Variants in PRKCE observed in about 807,000 individuals in gnomAD.
PRKCE encodes the protein protein kinase C epsilon, also known as protein kinase C epsilon type.
Under a neutral mutation model 85.4 loss-of-function variants are expected in PRKCE, and 16 were observed. That is an observed-to-expected ratio of 0.19 (90% confidence interval 0.13 to 0.28). PRKCE has a LOEUF of 0.28. Ranked by LOEUF, PRKCE falls within the 10% of genes least tolerant of loss-of-function variation. The pLI is 1.00. For missense variants in PRKCE, 573 were observed against 975.2 expected, an observed-to-expected ratio of 0.59 and a Z score of 5.49; for synonymous variants, 388 against 371.5, an observed-to-expected ratio of 1.04 and a Z score of -0.51.
In PRKCE at chr2:46,076,985, G is replaced by GAATAGGTT. The variant is rs1446824222; in HGVS notation, c.1438-9223_1438-9222insAATAGGTT. ...GTAGAATAGGTTGGTGGTTTCCAGA[G>GAATAGGTT]GCTGGTGGAGGGGGAATCGGGGAGG... On this transcript the variant is annotated intron_variant, in intron 10 of 14. Coordinates refer to ENST00000306156, the MANE Select transcript of PRKCE (RefSeq NM_005400.3). 3.3e-5 allele frequency among the ~76,000 whole-genome samples: 5 copies of GAATAGGTT among 152,318 alleles called. No homozygotes were observed. In the East Asian group the frequency reaches 9.6e-4, roughly 29 times the overall value.
At chr2:45,790,910 A>C (rs115654908) in intron 1 of PRKCE, among the ~76,000 whole-genome samples, 5 of 152,174 alleles carry the variant, frequency 3.3e-5, no homozygotes, top group African/African-American at 9.7e-5. Context: ...TGGCACAACT[A>C]TCAGACACCT....
At chr2:45,816,221 G>T (rs1301253114) in intron 1 of PRKCE, among the ~76,000 whole-genome samples, 2 of 152,100 alleles carry the variant, frequency 1.3e-5, no homozygotes, top group East Asian at 3.8e-4. Context: ...GTGATTTCAG[G>T]ATCTGCTTGA....
At chr2:45,752,674 A>G (rs1304140663) in intron 1 of PRKCE, among the ~76,000 whole-genome samples, 1 of 152,032 alleles carries the variant, frequency 6.6e-6, no homozygotes, top group Non-Finnish European at 1.5e-5. Context: ...TTTCCAGCAT[A>G]TGCTGCCCTC....
At chr2:45,843,141 G>C in intron 2 of PRKCE, 78 bp downstream of exon 2, 1 of 1,264,496 alleles carries the variant, frequency 7.9e-7, no homozygotes, top group Non-Finnish European at 1.2e-6. Context: ...CCCCCCCTTG[G>C]CCGGAACACA....
intron 1 of PRKCE, among the ~76,000 whole-genome samples, chr2:45,841,099 G>T (rs1224845985): frequency 6.6e-5 from 10 of 152,176 alleles, no homozygotes; most frequent in Non-Finnish European, 1.5e-4. Context: ...CATACTTTCT[G>T]TCTATCAGGA....
intron 10 of PRKCE, among the ~76,000 whole-genome samples, chr2:46,014,839 G>C (rs1432921254): frequency 2.6e-5 from 4 of 152,104 alleles, no homozygotes; most frequent in Non-Finnish European, 4.4e-5. Context: ...AGAGGGTAGG[G>C]GTAAAGACAT....
intron 2 of PRKCE, among the ~76,000 whole-genome samples, chr2:45,956,544 G>A (rs1700988970): frequency 6.6e-6 from 1 of 151,994 alleles, no homozygotes; most frequent in Admixed American, 6.6e-5. Flanking sequence ...AATTAGCCAG[G>A]TGTGGTGGCA....
At chr2:45,908,530 G>T (rs774457492) in intron 2 of PRKCE, among the ~76,000 whole-genome samples, 5 of 152,210 alleles carry the variant, frequency 3.3e-5, no homozygotes, top group Non-Finnish European at 7.3e-5. Context: ...TGACCATGTG[G>T]CTGTGGCTTC....
chr2:46,055,147 A>C (rs1245206518), intron 10 of PRKCE, among the ~76,000 whole-genome samples: 1 of 152,232 alleles, frequency 6.6e-6, no homozygotes, highest in African/African-American at 2.4e-5. Context: ...TGAGCTGTTC[A>C]TACTTAAATC....
intron 1 of PRKCE, among the ~76,000 whole-genome samples, chr2:45,712,192 G>T (rs1285832867): frequency 8.6e-6 from 1 of 116,006 alleles, no homozygotes; most frequent in African/African-American, 3.3e-5. Context: ...TTGTTCCCCA[G>T]GCTGGAGTGC....
At position 46,184,161 on chromosome 2, in the gene PRKCE, C is replaced by T. The variant is rs1006924547; in HGVS notation, c.2068-574C>T. Among the ~76,000 whole-genome samples the T allele has an allele frequency of 5.9e-5, 9 of 152,140 alleles. No individual in the cohort carries two copies. Among genetic ancestry groups the T allele is most frequent in the African/African-American group, 1.9e-4 (8 of 41,428 alleles). On this transcript the variant is annotated intron_variant, in intron 14 of 14. Transcript: ENST00000306156. This position sits in a 1 kb window ranked among gnomAD's most constrained non-coding sequence, Gnocchi z 5.0. ...CTTGGTCTAGACAAAAGCATAAAAA[C>T]GTCATTGCAAGTCAATGTGCTGAGT...
rs184045000 is a variant in PRKCE at position 45,963,529 on chromosome 2, G to C, written c.413-12900G>C. Among the ~76,000 whole-genome samples, 100 of 152,254 alleles carry C rather than the reference G, an allele frequency of 6.6e-4. No individual in the cohort carries two copies. The East Asian group carries it at 0.018, about 28-fold the overall frequency. ...TCGCCATGTTGGCCAGGCTGGTCTA[G>C]AACTCCTGACCTCAGGTGATCCGCC... On this transcript the variant is annotated intron_variant, in intron 2 of 14. Transcript: ENST00000306156.
chr2:46,174,936 C>T (rs967237651), intron 14 of PRKCE, among the ~76,000 whole-genome samples: 1 of 152,032 alleles, frequency 6.6e-6, no homozygotes, highest in African/African-American at 2.4e-5. Flanking sequence ...AGCTATCCAC[C>T]TACCTTGTCC....
intron 2 of PRKCE, among the ~76,000 whole-genome samples, chr2:45,966,008 A>G (rs1041135695): frequency 3.3e-5 from 5 of 152,040 alleles, no homozygotes; most frequent in African/African-American, 9.7e-5. Flanking sequence ...GTGGGTGATC[A>G]GCAGCTGACA....
At chr2:46,129,656 C>T (rs1156308450) in intron 11 of PRKCE, among the ~76,000 whole-genome samples, 1 of 152,194 alleles carries the variant, frequency 6.6e-6, no homozygotes, top group Non-Finnish European at 1.5e-5. Flanking sequence ...CTGACTGTCT[C>T]ATTCTTCCAT....
intron 10 of PRKCE, among the ~76,000 whole-genome samples, chr2:46,030,235 T>C (rs947605557): frequency 3.3e-5 from 5 of 152,170 alleles, no homozygotes; most frequent in African/African-American, 9.7e-5. Flanking sequence ...CTTGCAGATA[T>C]AGACACACTC....
chr2:46,076,159 T>C (rs934272573), intron 10 of PRKCE, among the ~76,000 whole-genome samples: 1 of 152,206 alleles, frequency 6.6e-6, no homozygotes, highest in African/African-American at 2.4e-5. Context: ...ATTCTGTCAT[T>C]TTCAAAGAGG....
At chr2:45,965,052 G>A (rs2595203) in intron 2 of PRKCE, among the ~76,000 whole-genome samples, 23,439 of 152,208 alleles carry the variant, frequency 0.15, 2,633 homozygotes, top group East Asian at 0.4. Context: ...TAGATTACAT[G>A]CAGAATAAAA....
chr2:45,932,040 G>A (rs1213938342), intron 2 of PRKCE, among the ~76,000 whole-genome samples: 2 of 152,104 alleles, frequency 1.3e-5, no homozygotes, highest in Admixed American at 6.5e-5. Flanking sequence ...TTAAGATGCT[G>A]GGTGACCAGC....
Sources: gnomAD v4.1 joint callset for allele counts (sites outside exome capture counted in the v4.1 genomes callset) on GRCh38, gnomAD v4.1.1 for gene constraint, Gnocchi (gnomAD v3.1) non-coding constraint, MANE v1.5 for transcripts, NCBI Gene and HGNC (gene_info 2026-07-23, HGNC 2026-07-21) for gene names.